Variants in COL25A1 observed in about 807,000 individuals in gnomAD.
The protein encoded by COL25A1 is collagen type XXV alpha 1 chain.
Under a neutral mutation model 128.4 loss-of-function variants are expected in COL25A1, and 103 were observed. The observed-to-expected ratio is 0.80, with a 90% CI of 0.68 to 0.94. The LOEUF is 0.94. Among genes scored for constraint, COL25A1 ranks in the 40% least tolerant of loss-of-function variants. The pLI is 0.00. For missense variants in COL25A1, 745 were observed against 840.0 expected, an observed-to-expected ratio of 0.89 and a Z score of 1.40; for synonymous variants, 279 against 277.2, an observed-to-expected ratio of 1.01 and a Z score of -0.06.
chr4:109,180,464 T>A (rs1476009263), intron 3 of COL25A1, among the ~76,000 whole-genome samples: 1 of 152,166 alleles, frequency 6.6e-6, no homozygotes. Context: ...CTCTCTTTGC[T>A]TCTGTTTTCT....
chr4:109,076,608 G>A (rs1763399156), intron 3 of COL25A1, among the ~76,000 whole-genome samples: 1 of 152,058 alleles, frequency 6.6e-6, no homozygotes, highest in Non-Finnish European at 1.5e-5. Flanking sequence ...GTGGCCAGGG[G>A]TGGTTTGGGG....
At chr4:109,222,713 A>G (rs2126211222) in intron 3 of COL25A1, among the ~76,000 whole-genome samples, 1 of 152,296 alleles carries the variant, frequency 6.6e-6, no homozygotes, top group East Asian at 1.9e-4. Context: ...TTACAGCTAG[A>G]AACCAGACAT....
At chr4:108,899,100 G>A in intron 15 of COL25A1, 54 bp downstream of exon 15, 1 of 1,566,488 alleles carries the variant, frequency 6.4e-7, no homozygotes, top group Non-Finnish European at 8.7e-7. Context: ...TACTTCTTTG[G>A]TATGCTGGTG....
At chr4:108,873,174 T>A in intron 19 of COL25A1, among the ~76,000 whole-genome samples, 1 of 152,290 alleles carries the variant, frequency 6.6e-6, no homozygotes, top group Middle Eastern at 3.4e-3. Flanking sequence ...ATTACAGGTG[T>A]GAGCCACTCC....
At chr4:108,825,108 A>T (rs1387931381) in intron 34 of COL25A1, 88 bp downstream of exon 34, 15 of 1,106,942 alleles carry the variant, frequency 1.4e-5, no homozygotes, top group Non-Finnish European at 2.1e-5. Flanking sequence ...TATGCACAGA[A>T]AAAAAAGAAG....
intron 11 of COL25A1, among the ~76,000 whole-genome samples, chr4:108,927,069 T>C (rs1253036821): frequency 6.6e-6 from 1 of 152,056 alleles, no homozygotes; most frequent in East Asian, 1.9e-4. Flanking sequence ...ATGGATCCTG[T>C]CTTCAGTCAC....
intron 3 of COL25A1, among the ~76,000 whole-genome samples, chr4:109,153,052 T>C (rs1771666554): frequency 6.6e-6 from 1 of 152,190 alleles, no homozygotes. Flanking sequence ...TAATATATTA[T>C]ACCACAATTT....
At chr4:109,293,635 A>G (rs1724681491) in intron 3 of COL25A1, among the ~76,000 whole-genome samples, 1 of 152,144 alleles carries the variant, frequency 6.6e-6, no homozygotes, top group South Asian at 2.1e-4. Flanking sequence ...AATCTAAATG[A>G]TTAACACGCA....
chr4:109,050,271 T>G, intron 3 of COL25A1, 92 bp from the exon 4 acceptor site: 2 of 898,204 alleles, frequency 2.2e-6, no homozygotes, highest in Non-Finnish European at 3.4e-6. Context: ...ATTTTCTCAT[T>G]GTTTTTAACT....
chr4:109,059,821 T>C (rs995167703), intron 3 of COL25A1, among the ~76,000 whole-genome samples: 4 of 152,224 alleles, frequency 2.6e-5, no homozygotes, highest in Non-Finnish European at 5.9e-5. Context: ...TTCTTCATTA[T>C]TGTATTCGCA....
intron 8 of COL25A1, among the ~76,000 whole-genome samples, chr4:108,957,867 C>T (rs1053254167): frequency 2.0e-5 from 3 of 152,000 alleles, no homozygotes; most frequent in East Asian, 1.9e-4. Flanking sequence ...GGACAACTAA[C>T]GTTTATCTAG....
At chr4:108,991,206 C>T (rs1754195390) in intron 6 of COL25A1, among the ~76,000 whole-genome samples, 1 of 152,094 alleles carries the variant, frequency 6.6e-6, no homozygotes, top group Non-Finnish European at 1.5e-5. Context: ...TACCTTTATT[C>T]AGGCAGAATT....
intron 3 of COL25A1, among the ~76,000 whole-genome samples, chr4:109,182,103 C>A (rs1774708149): frequency 6.6e-6 from 1 of 152,072 alleles, no homozygotes; most frequent in Non-Finnish European, 1.5e-5. Context: ...TATCCATTGA[C>A]AGACACTTAA....
chr4:109,168,175 T>C (rs1414782667), intron 3 of COL25A1, among the ~76,000 whole-genome samples: 1 of 152,162 alleles, frequency 6.6e-6, no homozygotes, highest in Non-Finnish European at 1.5e-5. Context: ...TTGGCTAGGA[T>C]TGTTTTCAAG....
At position 108,999,806 on chromosome 4, in the gene COL25A1, G is replaced by A. The variant is rs188701183; in HGVS notation, c.438+10552C>T. Among the ~76,000 whole-genome samples, 776 of 152,272 alleles carry A rather than the reference G, an allele frequency of 5.1e-3. 2 individuals are homozygous for A. Among genetic ancestry groups the A allele is most frequent in the African/African-American group, 0.018 (729 of 41,562 alleles). On this transcript the variant is annotated intron_variant, in intron 6 of 37. Coordinates refer to ENST00000399132, the MANE Select transcript of COL25A1 (RefSeq NM_198721.4). ...CAGCCATAAAAAAGGATGAGTTCAT[G>A]TCCTTTGCAGGCACATGGATGAAGC...
intron 3 of COL25A1, among the ~76,000 whole-genome samples, chr4:109,160,499 A>G (rs1468497640): frequency 1.3e-5 from 2 of 152,204 alleles, no homozygotes; most frequent in Non-Finnish European, 2.9e-5. Context: ...AGGTAAAGAA[A>G]AGCAGAGGAG....
chr4:109,200,193 C>A (rs1776436625), intron 3 of COL25A1, among the ~76,000 whole-genome samples: 1 of 152,216 alleles, frequency 6.6e-6, no homozygotes. Context: ...TCCAGCAGCT[C>A]CTTTCACACA....
At chr4:109,111,567 A>G (rs1767025928) in intron 3 of COL25A1, among the ~76,000 whole-genome samples, 1 of 152,126 alleles carries the variant, frequency 6.6e-6, no homozygotes. Context: ...TCGGACACAG[A>G]CCAGTGCTTC....
chr4:109,030,497 G>T (rs558302081), intron 5 of COL25A1, among the ~76,000 whole-genome samples: 1 of 152,158 alleles, frequency 6.6e-6, no homozygotes, highest in African/African-American at 2.4e-5. Context: ...CCCACAGCAC[G>T]AACTCAGTAG....
Sources: allele counts gnomAD v4.1 joint callset (sites outside exome capture counted in the v4.1 genomes callset), GRCh38; gene constraint gnomAD v4.1.1; transcripts MANE v1.5; gene names NCBI Gene and HGNC (gene_info 2026-07-23, HGNC 2026-07-21).